The following EFS variants were observed in gnomAD, a reference collection of about 807,000 sequenced individuals.
EFS encodes embryonal Fyn-associated substrate, also known as Cas scaffolding protein family member 3.
In EFS, 34 loss-of-function variants were observed where a neutral mutation model predicts 42.2. That is an observed-to-expected ratio of 0.81 (90% confidence interval 0.61 to 1.07). The LOEUF (loss-of-function observed/expected upper bound fraction) is 1.07. EFS is among the 50% of genes least tolerant of loss of function. The pLI is 0.00. For missense variants in EFS, 717 were observed against 729.4 expected (o/e 0.98, Z 0.20); for synonymous variants, 299 against 320.7 (o/e 0.93, Z 0.72).
At chr14:23,358,068 T>C (rs1186041416) in intron 5 of EFS, among the ~76,000 whole-genome samples, 1 of 152,224 alleles carries the variant, frequency 6.6e-6, no homozygotes. Flanking sequence ...AATTTCAACA[T>C]ATAATCAACA....
intron 1 of EFS, 43 bp from the exon 2 acceptor site, chr14:23,360,876 C>T (rs1365269363): frequency 5.1e-6 from 8 of 1,559,912 alleles, no homozygotes; most frequent in Non-Finnish European, 7.0e-6. Context: ...CTTCAGACCC[C>T]TTTCAGGTCA....
rs1259330829 is a variant in EFS at position 23,359,820 on chromosome 14, G to C, written c.658C>G (p.Pro220Ala). 6 of 1,526,214 alleles carry C rather than the reference G, an allele frequency of 3.9e-6. No individual in the cohort carries two copies. The highest frequency in any genetic ancestry group is 1.4e-5 in the African/African-American group (1 of 71,828). The allele number at this position is 1,526,214 out of a possible 1,614,324, so 94.5% of individuals were successfully genotyped here. The change falls in exon 4 of 6, where the codon CCC (proline) becomes GCC (alanine). Residue 220 changes from proline (P) to alanine (A), a missense_variant. Transcript: ENST00000216733. ...GCTGACGCTCGTTTCAGGTTGGAGG[G>C]GGCAGCATAGATGGGGGGCCCCGGC... ...REPGPPIYAA[P>A]SNLKRASALL... is the part of the protein sequence containing the mutation.
chr14:23,359,276 C>T (rs1276089020), intron 4 of EFS, 41 bp downstream of exon 4: 1 of 1,611,430 alleles, frequency 6.2e-7, no homozygotes, highest in Non-Finnish European at 8.5e-7. Flanking sequence ...CCCTTGGTCC[C>T]TCTGGGGTCC....
At chr14:23,360,907 C>T in intron 1 of EFS, 74 bp from the exon 2 acceptor site, 1 of 1,409,054 alleles carries the variant, frequency 7.1e-7, no homozygotes, top group Non-Finnish European at 9.4e-7. Context: ...GCTTAGAACC[C>T]TTCGGAGCTC....
chr14:23,359,005 G>C (rs1298609020), intron 4 of EFS, 40 bp from the exon 5 acceptor site: 1 of 1,555,214 alleles, frequency 6.4e-7, no homozygotes, highest in Non-Finnish European at 8.7e-7. Context: ...GGGTGGGGGA[G>C]CAGGACGGGG....
In EFS at chr14:23,359,274, C is replaced by A. The variant is rs1301087517; in HGVS notation, c.1161+43G>T. 4 of 1,610,952 alleles carry A rather than the reference C, an allele frequency of 2.5e-6. No individual in the cohort carries two copies. The South Asian group carries it at 3.3e-5, about 13-fold the overall frequency. ...AGGTCTCCACACCCCTCCCCTTGGT[C>A]CCTCTGGGGTCCCTCCTGGTGGGGC... is the stretch of plus-strand genomic sequence containing the variant. On this transcript the variant is annotated intron_variant, in intron 4 of 5. Transcript: ENST00000216733.
Position 23,357,299 on chromosome 14 carries a change from A to G in EFS, c.1613T>C (p.Met538Thr), listed in dbSNP as rs1475809687. The G allele has an allele frequency of 1.9e-6, 3 of 1,609,168 alleles. No homozygotes were observed. The highest frequency in any genetic ancestry group is 1.1e-5 in the South Asian group (1 of 90,798). ...TGCCAGTTCTGTTACACACTGCACC[A>G]TCTCTTGGATGGCAGGGCTGGATGG... The part of the protein sequence containing the change: ...GYPSSPAIQE[M>T]VQCVTELAGQ... The change falls in exon 6 of 6, where the codon ATG becomes ACG. Residue 538 changes from methionine to threonine, a missense_variant. Coordinates refer to ENST00000216733, the MANE Select transcript of EFS (RefSeq NM_005864.4).
At chr14:23,360,882 G>C in intron 1 of EFS, 49 bp from the exon 2 acceptor site, 1 of 1,552,088 alleles carries the variant, frequency 6.4e-7, no homozygotes, top group Non-Finnish European at 8.7e-7. Context: ...ACCCCTTTCA[G>C]GTCACGTCAC....
chr14:23,359,509 A>G lies in EFS; in HGVS notation c.969T>C (p.Ser323=). Residue 323 remains serine (S), a synonymous_variant, in exon 4 of 6, where the codon TCT becomes TCC. Transcript: ENST00000216733. Reference sequence around the variant, plus strand: ...TGCTGCCCTTCCGGCCTGGGGCAGGAGAGGGCACTGGGGAGGGGCTGGGGG... The same window carrying G: ...TGCTGCCCTTCCGGCCTGGGGCAGGGGAGGGCACTGGGGAGGGGCTGGGGG... ...PEAPSPSPVP[S]PAPGRKGSIQ... is the part of the protein sequence containing the mutation. The G allele has an allele frequency of 1.3e-6, 2 of 1,535,418 alleles. No individual in the cohort carries two copies. Among genetic ancestry groups the G allele is most frequent in the Non-Finnish European group, 1.7e-6 (2 of 1,145,638 alleles).
rs552563294 is a variant in EFS, at chr14:23,362,999, C to T, written c.18+2009G>A. Among the ~76,000 whole-genome samples the T allele has an allele frequency of 1.7e-4, 26 of 151,016 alleles. 1 individual carries two copies. The highest frequency in any genetic ancestry group is 4.2e-4 in the African/African-American group (17 of 40,706). On this transcript the variant is annotated intron_variant, in intron 1 of 5. Coordinates refer to ENST00000216733, the MANE Select transcript of EFS (RefSeq NM_005864.4). ...TGCGATCTCGGCTCACTGCAAGCTC[C>T]GCCTCCCGGGTTCACGCCATTCTCC...
intron 2 of EFS, 70 bp from the exon 3 acceptor site, chr14:23,360,351 A>G: frequency 6.5e-7 from 1 of 1,544,784 alleles, no homozygotes; most frequent in Non-Finnish European, 8.7e-7. Context: ...TCTGAGTGCG[A>G]GGAGCTTAGA....
chr14:23,364,798 G>C (rs895118482), intron 1 of EFS, among the ~76,000 whole-genome samples: 7 of 152,102 alleles, frequency 4.6e-5, no homozygotes, highest in Non-Finnish European at 1.0e-4. Context: ...GGAGGGGGCG[G>C]GGAAGAGGGG....
rs745645493 is a variant in EFS, at chr14:23,360,631, G to A, written c.221C>T (p.Pro74Leu). 10 of 1,608,204 alleles carry A rather than the reference G, an allele frequency of 6.2e-6. No individual in the cohort carries two copies. The East Asian group carries it at 6.7e-5, about 11-fold the overall frequency. ...GGCTGGGGACGCAGGAGAGAGGCTG[G>A]GCTTGGGTGCTGGGCCAGCAGGCAA... ...KLLPAGPAPK[P>L]SLSPASPAQP... The change falls in exon 2 of 6, where the codon CCC (proline) becomes CTC (leucine). Residue 74 changes from proline to leucine, a missense_variant. Coordinates refer to ENST00000216733, the MANE Select transcript of EFS (RefSeq NM_005864.4).
Position 23,356,967 on chromosome 14 carries a change from G to T in EFS, c.*259C>A. 3.3e-6 allele frequency: 1 copy of T among 301,932 alleles called. No homozygotes were observed. Among genetic ancestry groups the T allele is most frequent in the Non-Finnish European group, 6.0e-6 (1 of 166,176 alleles). 18.7% of individuals were successfully genotyped at this position (301,932 alleles called of 1,614,324 possible). A position where few individuals can be genotyped will look rare whatever the true frequency, so the allele number is the denominator to read the frequency against. On this transcript the variant is annotated 3_prime_UTR_variant, in exon 6 of 6. Transcript: ENST00000216733. ...GGAGAGAAGGATCTAGTTCCTCACT[G>T]CCCCAGAGCCTAGTACCTGCTCCTG...
In EFS at chr14:23,357,633, C is replaced by T. The variant is rs2138531632; in HGVS notation, c.1279G>A (p.Val427Ile). Residue 427 changes from valine (V) to isoleucine (I), a missense_variant, in exon 6 of 6, where the codon GTT becomes ATT. By Grantham distance (29) the Val-to-Ile change is conservative. Coordinates refer to ENST00000216733, the MANE Select transcript of EFS (RefSeq NM_005864.4). ...AGCTGCAGATCTCCGGTGGACACAACCAGTGGCTCCCCTGGGGACAGGGCC... is the reference window on the plus strand; with the variant it reads ...AGCTGCAGATCTCCGGTGGACACAATCAGTGGCTCCCCTGGGGACAGGGCC... ...QEALSPGEPL[V>I]VSTGDLQLLY... 1.3e-6 allele frequency: 2 copies of T among 1,547,216 alleles called. No homozygotes were observed. The highest frequency in any genetic ancestry group is 1.8e-5 in the Admixed American group (1 of 55,852).
chr14:23,359,358 C>T lies in EFS; in HGVS notation c.1120G>A (p.Gly374Ser). Residue 374 changes from glycine to serine, a missense_variant, in exon 4 of 6, where the codon GGC becomes AGC. Gly to Ser is a moderately conservative substitution (Grantham distance 56, BLOSUM62 0). Coordinates refer to ENST00000216733, the MANE Select transcript of EFS (RefSeq NM_005864.4). Reference protein sequence around the residue: ...DPAGHHNEYEGIPMAEEYDYV... With the variant: ...DPAGHHNEYESIPMAEEYDYV... ...TCATACTCCTCGGCCATCGGAATGC[C>T]CTCGTACTCATTGTGGTGTCCTGCT... 1 of 1,613,186 alleles carries T rather than the reference C, an allele frequency of 6.2e-7. No individual in the cohort carries two copies. Among genetic ancestry groups the T allele is most frequent in the Non-Finnish European group, 8.5e-7 (1 of 1,179,988 alleles).
At chr14:23,363,155 C>T (rs538732857) in intron 1 of EFS, among the ~76,000 whole-genome samples, 134 of 151,994 alleles carry the variant, frequency 8.8e-4, no homozygotes, top group African/African-American at 2.9e-3. Context: ...CCTCATGATC[C>T]GCCCGCCTCT....
Position 23,360,798 on chromosome 14 carries a change from A to G in EFS, c.54T>C (p.Ala18=). The G allele has an allele frequency of 6.2e-7, 1 of 1,613,412 alleles. No homozygotes were observed. Among genetic ancestry groups the G allele is most frequent in the Non-Finnish European group, 8.5e-7 (1 of 1,179,734 alleles). The change falls in exon 2 of 6, where the codon GCT becomes GCC. Residue 18 remains alanine, a synonymous_variant. Transcript: ENST00000216733. ...GGAAGGACAGCTCCTGGGGGGACTC[A>G]GCGGTGTTGTCATACAGTGCCCGGG... ...QLARALYDNT[A]ESPQELSFRR...
chr14:23,364,926 G>A (rs777195173), intron 1 of EFS, 82 bp downstream of exon 1: 511 of 1,187,022 alleles, frequency 4.3e-4, no homozygotes, highest in Non-Finnish European at 5.3e-4. Flanking sequence ...GAGACAAAGA[G>A]AGGGCAGAAA....
Sources: allele counts gnomAD v4.1 joint callset (sites outside exome capture counted in the v4.1 genomes callset), GRCh38; gene constraint gnomAD v4.1.1; transcripts MANE v1.5; gene names NCBI Gene and HGNC (gene_info 2026-07-23, HGNC 2026-07-21).